The following PHF24 variants were observed in gnomAD, a reference collection of about 807,000 sequenced individuals.
The protein encoded by PHF24 is PHD finger protein 24.
A neutral mutation model predicts 42.6 loss-of-function variants in PHF24; 25 were observed. That is an observed-to-expected ratio of 0.59 (90% CI 0.43 to 0.82). PHF24 has a LOEUF of 0.82. Ranked by LOEUF, PHF24 falls within the 40% of genes least tolerant of loss-of-function variation. The pLI is 0.00. For synonymous variants in PHF24, 185 were observed against 204.8 expected (o/e 0.90, Z 0.83); for missense variants, 470 against 538.1 (o/e 0.87, Z 1.25).
chr9:34,947,425 A>T, the PHF24 span, among the ~76,000 whole-genome samples: 11 of 152,214 alleles, frequency 7.2e-5, no homozygotes, highest in Admixed American at 7.2e-4. Context: ...CCGGTTATAT[A>T]AAACTATAGC....
chr9:34,755,991 A>G, the PHF24 span, among the ~76,000 whole-genome samples: 1 of 152,172 alleles, frequency 6.6e-6, no homozygotes, highest in Non-Finnish European at 1.5e-5. Context: ...GGTCTTATTC[A>G]TAAAACGTAT....
chr9:34,766,050 G>A, the PHF24 span, among the ~76,000 whole-genome samples: 1 of 152,160 alleles, frequency 6.6e-6, no homozygotes, highest in South Asian at 2.1e-4. Context: ...CTGGCTTGTA[G>A]AGTTTCTGCT....
the PHF24 span, among the ~76,000 whole-genome samples, chr9:34,836,746 T>TTC: frequency 1.3e-5 from 2 of 152,282 alleles, no homozygotes; most frequent in African/African-American, 4.8e-5. Context: ...ATGGGTGACT[T>TTC]TCTCATGCAA....
chr9:34,834,022 C>A, the PHF24 span: 12 of 1,549,328 alleles, frequency 7.7e-6, no homozygotes, highest in Non-Finnish European at 1.0e-5. Context: ...CTCGGAGCAG[C>A]TTAGGGTGTT....
the PHF24 span, among the ~76,000 whole-genome samples, chr9:34,880,576 A>T: frequency 1.3e-5 from 2 of 152,162 alleles, no homozygotes. Flanking sequence ...TATAAAACAG[A>T]CTTTAAACCA....
At chr9:34,744,204 G>A in the PHF24 span, among the ~76,000 whole-genome samples, 1 of 152,124 alleles carries the variant, frequency 6.6e-6, no homozygotes, top group African/African-American at 2.4e-5. Flanking sequence ...TCAAGATTAG[G>A]GGCTGAAGAT....
the PHF24 span, among the ~76,000 whole-genome samples, chr9:34,818,613 C>T: frequency 1.3e-5 from 2 of 152,132 alleles, no homozygotes; most frequent in African/African-American, 2.4e-5. Flanking sequence ...TCTTTGATTA[C>T]GAAGGGTACT....
the PHF24 span, among the ~76,000 whole-genome samples, chr9:34,775,798 C>T: frequency 6.6e-6 from 1 of 152,146 alleles, no homozygotes; most frequent in African/African-American, 2.4e-5. Flanking sequence ...AATTTGTACA[C>T]AGATACTCAT....
the PHF24 span, among the ~76,000 whole-genome samples, chr9:34,840,486 T>G: frequency 7.4e-6 from 1 of 135,392 alleles, no homozygotes; most frequent in Non-Finnish European, 1.6e-5. Flanking sequence ...TCCTCCTTCT[T>G]CTTCCCCTCC....
chr9:34,691,932 G>T, the PHF24 span, among the ~76,000 whole-genome samples: 2,383 of 152,320 alleles, frequency 0.016, 23 homozygotes, highest in African/African-American at 0.024. Context: ...GCTGGAGGGA[G>T]ACTGGCTTGG....
the PHF24 span, among the ~76,000 whole-genome samples, chr9:34,775,247 G>A: frequency 6.6e-6 from 1 of 152,140 alleles, no homozygotes; most frequent in African/African-American, 2.4e-5. Flanking sequence ...GCTACAACAT[G>A]GATGAACCTT....
the PHF24 span, among the ~76,000 whole-genome samples, chr9:34,673,729 C>G: frequency 6.6e-6 from 1 of 151,900 alleles, no homozygotes; most frequent in Admixed American, 6.6e-5. Flanking sequence ...TCACGCCATT[C>G]TCCTGCCTCA....
At chr9:34,816,270 G>A in the PHF24 span, among the ~76,000 whole-genome samples, 1 of 152,072 alleles carries the variant, frequency 6.6e-6, no homozygotes, top group Non-Finnish European at 1.5e-5. Context: ...TTAAAGCAGT[G>A]TTGTTTTCTT....
the PHF24 span, chr9:34,724,794 T>G: frequency 2.6e-6 from 4 of 1,551,492 alleles, no homozygotes; most frequent in East Asian, 9.8e-5. Context: ...TCCACGGGAC[T>G]AGGCTCCATC....
At chr9:34,743,653 T>C in the PHF24 span, among the ~76,000 whole-genome samples, 1 of 152,194 alleles carries the variant, frequency 6.6e-6, no homozygotes, top group Non-Finnish European at 1.5e-5. Flanking sequence ...TTACAGCTCT[T>C]CTTGAGTTTG....
chr9:34,914,233 G>A, the PHF24 span, among the ~76,000 whole-genome samples: 29 of 152,062 alleles, frequency 1.9e-4, no homozygotes, highest in South Asian at 6.2e-4. Flanking sequence ...TGTCATTATA[G>A]CAGGGTAAAT....
At chr9:34,860,891 A>G in the PHF24 span, among the ~76,000 whole-genome samples, 2 of 152,308 alleles carry the variant, frequency 1.3e-5, no homozygotes, top group Admixed American at 1.3e-4. Context: ...GCAGCCATGG[A>G]CTGTGATCTC....
At chr9:34,833,302 C>T in the PHF24 span, 50 of 1,551,282 alleles carry the variant, frequency 3.2e-5, no homozygotes, top group Non-Finnish European at 4.3e-5. Context: ...CTGTCATGTC[C>T]CCACTGGGTT....
the PHF24 span, among the ~76,000 whole-genome samples, chr9:34,842,761 A>T: frequency 6.6e-6 from 1 of 152,216 alleles, no homozygotes; most frequent in African/African-American, 2.4e-5. Context: ...AGCAGCATGA[A>T]TGATTAAAAC....
Sources: gnomAD v4.1 joint callset for allele counts (sites outside exome capture counted in the v4.1 genomes callset) on GRCh38, gnomAD v4.1.1 for gene constraint, MANE v1.5 for transcripts, NCBI Gene and HGNC (gene_info 2026-07-23, HGNC 2026-07-21) for gene names.